Variants in UBAP1L observed in about 807,000 individuals in gnomAD.
The protein encoded by UBAP1L is ubiquitin-associated protein 1-like.
UBAP1L carries 32 observed loss-of-function variants against 32.1 expected under a neutral mutation model. The ratio of observed to expected loss-of-function variants is 1.00; its 90% CI spans 0.75 to 1.34. The LOEUF (loss-of-function observed/expected upper bound fraction) is 1.34. Among genes scored for constraint, UBAP1L ranks in the 40% most tolerant of loss-of-function variants. The pLI, the probability that UBAP1L is intolerant of heterozygous loss-of-function variation, is 0.00. For synonymous variants in UBAP1L, 243 were observed against 250.2 expected, an observed-to-expected ratio of 0.97 and a Z score of 0.27; for missense variants, 516 against 540.5, an observed-to-expected ratio of 0.95 and a Z score of 0.45.
At position 65,093,355 on chromosome 15, in the gene UBAP1L, G is replaced by A. The variant is rs899467015; in HGVS notation, c.1012-124C>T. The A allele has an allele frequency of 7.1e-5, 89 of 1,246,280 alleles. No individual in the cohort carries two copies. In the African/African-American group the frequency reaches 1.2e-3, roughly 16 times the overall value. The allele number at this position is 1,246,280 out of a possible 1,614,324, so 77.2% of individuals were successfully genotyped here. ...AAAGCTGTGGCTACCCCCAGGCCAC[G>A]TGAGCCTGATCCTGGGCCACACCTG... On this transcript the variant is annotated intron_variant, in intron 5 of 5. Transcript: ENST00000559089.
chr15:65,114,112 G>A (rs375877605), intron 1 of UBAP1L, among the ~76,000 whole-genome samples: 2 of 151,384 alleles, frequency 1.3e-5, no homozygotes, highest in African/African-American at 4.9e-5. Context: ...TCTTGAACTC[G>A]TGACCTTGTG....
rs2087147104 is a variant in UBAP1L at position 65,094,055 on chromosome 15, A to G, written c.1011+420T>C. 6.6e-6 allele frequency among the ~76,000 whole-genome samples: 1 copy of G among 152,164 alleles called. No individual in the cohort carries two copies. On this transcript the variant is annotated intron_variant, in intron 5 of 5. Transcript: ENST00000559089. The surrounding 1 kb of genome is among the most constrained non-coding windows in gnomAD (Gnocchi z 4.2). ...GAGTGAGACTCAGTCTCAGAAAACA[A>G]GATGTGACTATTGGGCCTACAGCTG...
rs868023890 is a variant in UBAP1L at position 65,094,548 on chromosome 15, C to T, written c.938G>A (p.Arg313His). 109 of 1,551,376 alleles carry T rather than the reference C, an allele frequency of 7.0e-5. No homozygotes were observed. The highest frequency in any genetic ancestry group is 1.2e-4 in the East Asian group (5 of 40,934). ...TTCCTCATATCCCTGACGTAACAGG[C>T]GGTCACAGGCACTGAGGTAGCTGAG... ...QFLSYLSACD[R>H]LLRQGYEEGL... Residue 313 changes from arginine to histidine, a missense_variant, in exon 5 of 6, where the codon CGC (arginine) becomes CAC (histidine). Transcript: ENST00000559089. The surrounding 1 kb of genome is among the most constrained non-coding windows in gnomAD (Gnocchi z 4.2).
intron 2 of UBAP1L, 180 bp downstream of exon 2, chr15:65,105,916 G>C: frequency 1.2e-6 from 1 of 833,780 alleles, no homozygotes; most frequent in Non-Finnish European, 1.9e-6. Flanking sequence ...TCCACCTTCC[G>C]AGTAGCTGGG....
In UBAP1L at chr15:65,102,160, CCGCGGGGGCGA is replaced by C. The variant is rs1184501802; in HGVS notation, c.634_644del (p.Ser212AlafsTer44). 1.6e-5 allele frequency: 19 copies of C among 1,206,110 alleles called. No homozygotes were observed. The highest frequency in any genetic ancestry group is 8.2e-5 in the South Asian group (2 of 24,348). The allele number at this position is 1,206,110 out of a possible 1,614,324, so 74.7% of individuals were successfully genotyped here. On this transcript the variant is annotated frameshift_variant, in exon 3 of 6. Transcript: ENST00000559089. LOFTEE classifies it high-confidence loss of function. This position sits in a 1 kb window ranked among gnomAD's most constrained non-coding sequence, Gnocchi z 5.0. ...GGGGGATGGCGCCTGCCGTGGAGGG[CCGCGGGGGCGA>C]CGCGGGGGCGGCGGGGTGCTGGGGC...
chr15:65,094,617 AGCAGCCGGG>A lies in UBAP1L; in HGVS notation c.910-50_910-42del, dbSNP rs2087154082. The A allele has an allele frequency of 1.4e-6, 2 of 1,460,764 alleles. No homozygotes were observed. The highest frequency in any genetic ancestry group is 4.9e-5 in the East Asian group (2 of 40,406). The allele number at this position is 1,460,764 out of a possible 1,614,324, so 90.5% of individuals were successfully genotyped here. On this transcript the variant is annotated intron_variant, in intron 4 of 5. Coordinates refer to ENST00000559089, the MANE Select transcript of UBAP1L (RefSeq NM_001163692.2). The surrounding 1 kb of genome is among the most constrained non-coding windows in gnomAD (Gnocchi z 4.2). ...GCAGAGAGGGAGGGAGGGTAAGAGG[AGCAGCCGGG>A]GCAGCAGACAGGGCAGAGAGGCACT...
chr15:65,094,622 C>T lies in UBAP1L; in HGVS notation c.910-46G>A, dbSNP rs1381374842. 7.0e-6 allele frequency: 10 copies of T among 1,435,604 alleles called. No homozygotes were observed. Among genetic ancestry groups the T allele is most frequent in the Non-Finnish European group, 9.6e-6 (10 of 1,044,078 alleles). 88.9% of individuals were successfully genotyped at this position (1,435,604 alleles called of 1,614,324 possible). ...GAGGGAGGGAGGGTAAGAGGAGCAG[C>T]CGGGGCAGCAGACAGGGCAGAGAGG... is the stretch of plus-strand genomic sequence containing the variant. On this transcript the variant is annotated intron_variant, in intron 4 of 5. Transcript: ENST00000559089. The surrounding 1 kb of genome is among the most constrained non-coding windows in gnomAD (Gnocchi z 4.2).
At chr15:65,111,219 C>G (rs2087367486) in intron 1 of UBAP1L, among the ~76,000 whole-genome samples, 1 of 152,212 alleles carries the variant, frequency 6.6e-6, no homozygotes, top group South Asian at 2.1e-4. Flanking sequence ...TACAGGGGAC[C>G]TTTGAGGTAC....
intron 5 of UBAP1L, among the ~76,000 whole-genome samples, chr15:65,093,624 C>A (rs1291968224): frequency 1.3e-5 from 2 of 152,212 alleles, no homozygotes; most frequent in Non-Finnish European, 2.9e-5. Context: ...CTGCACTTTC[C>A]TTCCCCTCCG....
chr15:65,109,701 C>G (rs1179395646), intron 1 of UBAP1L, among the ~76,000 whole-genome samples: 1 of 151,924 alleles, frequency 6.6e-6, no homozygotes, highest in Admixed American at 6.6e-5. Flanking sequence ...ATCCAAATAG[C>G]CAATATGATA....
chr15:65,107,796 G>C (rs2087333018), intron 1 of UBAP1L, among the ~76,000 whole-genome samples: 1 of 149,118 alleles, frequency 6.7e-6, no homozygotes, highest in East Asian at 2.0e-4. Flanking sequence ...TATTAGTATA[G>C]TTCTCTAGGA....
At chr15:65,095,597 C>T (rs773672856) in intron 4 of UBAP1L, 1 of 152,240 alleles carries the variant, frequency 6.6e-6, no homozygotes, top group Non-Finnish European at 1.5e-5. Context: ...GATACAGGAC[C>T]ACATCAGTGC....
intron 1 of UBAP1L, among the ~76,000 whole-genome samples, chr15:65,114,724 C>T (rs192345332): frequency 1.1e-3 from 168 of 152,336 alleles, no homozygotes; most frequent in African/African-American, 3.8e-3. Flanking sequence ...GGTATCCAGA[C>T]TGTGGCCAGC....
In UBAP1L at chr15:65,094,668, A is replaced by G. The variant is rs1380653196; in HGVS notation, c.910-92T>C. On this transcript the variant is annotated intron_variant, in intron 4 of 5. Coordinates refer to ENST00000559089, the MANE Select transcript of UBAP1L (RefSeq NM_001163692.2). This position sits in a 1 kb window ranked among gnomAD's most constrained non-coding sequence, Gnocchi z 4.2. ...AGAGGCACTCCAAGGGCCTGAGCTG[A>G]GGGCCAGGCAACAGGGCAAGCCACC... 2 of 951,824 alleles carry G rather than the reference A, an allele frequency of 2.1e-6. No individual in the cohort carries two copies. Among genetic ancestry groups the G allele is most frequent in the Non-Finnish European group, 3.3e-6 (2 of 609,920 alleles). 59.0% of individuals were successfully genotyped at this position (951,824 alleles called of 1,614,324 possible). A position where few individuals can be genotyped will look rare whatever the true frequency, so the allele number is the denominator to read the frequency against.
intron 1 of UBAP1L, among the ~76,000 whole-genome samples, chr15:65,109,392 A>G (rs529223563): frequency 0.013 from 1,878 of 146,990 alleles, 40 homozygotes; most frequent in African/African-American, 0.044. Context: ...CTGAGGCAGG[A>G]GAATGGCATG....
chr15:65,107,150 T>C (rs1255042868), intron 1 of UBAP1L, among the ~76,000 whole-genome samples: 1 of 151,868 alleles, frequency 6.6e-6, no homozygotes, highest in Non-Finnish European at 1.5e-5. Flanking sequence ...GATGAAAAAT[T>C]ATATAATTAT....
intron 2 of UBAP1L, among the ~76,000 whole-genome samples, chr15:65,103,291 G>A (rs968858718): frequency 5.9e-5 from 9 of 152,186 alleles, no homozygotes; most frequent in Non-Finnish European, 1.0e-4. Context: ...TAGATTGGCA[G>A]TGAGTGGCTG....
At chr15:65,098,347 T>C (rs924121785) in intron 4 of UBAP1L, 1 of 152,302 alleles carries the variant, frequency 6.6e-6, no homozygotes, top group African/African-American at 2.4e-5. Context: ...CCCCTTCTCC[T>C]TCCTTCAGCA....
Position 65,108,115 on chromosome 15 carries a change from G to A in UBAP1L, c.-173-1727C>T, listed in dbSNP as rs923987428. ...AAGACCTTCAAGTTATGAGAATGAA[G>A]AGAGTGACTTAAAGACTTACAAAGA... On this transcript the variant is annotated intron_variant, in intron 1 of 5. Coordinates refer to ENST00000559089, the MANE Select transcript of UBAP1L (RefSeq NM_001163692.2). Among the ~76,000 whole-genome samples the A allele has an allele frequency of 2.6e-4, 40 of 152,020 alleles. 1 individual carries two copies. The highest frequency in any genetic ancestry group is 9.2e-4 in the African/African-American group (38 of 41,522).
Sources: gnomAD v4.1 joint callset for allele counts (sites outside exome capture counted in the v4.1 genomes callset) on GRCh38, gnomAD v4.1.1 for gene constraint, Gnocchi (gnomAD v3.1) non-coding constraint, MANE v1.5 for transcripts, NCBI Gene and HGNC (gene_info 2026-07-23, HGNC 2026-07-21) for gene names.